The following EGFR variants were observed in gnomAD, a reference collection of about 807,000 sequenced individuals.
The protein encoded by EGFR is avian erythroblastic leukemia viral (v-erb-b) oncogene homolog.
In EGFR, 58 loss-of-function variants were observed where a neutral mutation model predicts 143.0. The observed-to-expected ratio is 0.41, with a 90% CI of 0.33 to 0.50. The LOEUF (loss-of-function observed/expected upper bound fraction) is 0.50, where lower values mean the gene tolerates loss of function less well. Ranked by LOEUF, EGFR falls within the 20% of genes least tolerant of loss-of-function variation. The probability of loss-of-function intolerance (pLI) is 0.39; values close to 1 mark genes in which losing one functional copy is unlikely to be tolerated. For missense variants in EGFR, 1,307 were observed against 1,579.0 expected (o/e 0.83, Z 2.92); for synonymous variants, 613 against 594.4 (o/e 1.03, Z -0.45).
At chr7:55,165,222 C>G (rs1785905766) in intron 14 of EGFR, 58 bp from the exon 15 acceptor site, 1 of 1,611,984 alleles carries the variant, frequency 6.2e-7, no homozygotes, top group African/African-American at 1.3e-5. Flanking sequence ...AAGTTACTTC[C>G]ATTTTGAAAG....
Position 55,019,076 on chromosome 7 carries a change from G to A in EGFR, c.-202G>A. On this transcript the variant is annotated 5_prime_UTR_variant, in exon 1 of 28. In the 5' UTR this introduces an upstream ATG that the reference lacks. Coordinates refer to ENST00000275493, the MANE Select transcript of EGFR (RefSeq NM_005228.5). Reference sequence around the variant, plus strand: ...CAGCAGCCTCCGCCCCCCGCACGGTGTGAGCGCCCGACGCGGCCGAGGCGG... The same window carrying A: ...CAGCAGCCTCCGCCCCCCGCACGGTATGAGCGCCCGACGCGGCCGAGGCGG... 3 of 295,174 alleles carry A rather than the reference G, an allele frequency of 1.0e-5. No individual in the cohort carries two copies. Among genetic ancestry groups the A allele is most frequent in the African/African-American group, 2.2e-5 (1 of 45,062 alleles). 18.3% of individuals were successfully genotyped at this position (295,174 alleles called of 1,614,324 possible).
At chr7:55,038,393 A>G (rs888660829) in intron 1 of EGFR, among the ~76,000 whole-genome samples, 2 of 152,176 alleles carry the variant, frequency 1.3e-5, no homozygotes, top group Non-Finnish European at 2.9e-5. Context: ...CCAAAGACAG[A>G]AGATGTGGAC....
Position 55,070,783 on chromosome 7 carries a change from C to T in EGFR, c.88+51418C>T, listed in dbSNP as rs192298823. Reference sequence around the variant, plus strand: ...AGAGCTTGGATTTCCTCGTTTCTTGCTATTTCTATCCGTAGACAGAACCAT... The same window carrying T: ...AGAGCTTGGATTTCCTCGTTTCTTGTTATTTCTATCCGTAGACAGAACCAT... On this transcript the variant is annotated intron_variant, in intron 1 of 27. Coordinates refer to ENST00000275493, the MANE Select transcript of EGFR (RefSeq NM_005228.5). Among the ~76,000 whole-genome samples the T allele has an allele frequency of 5.9e-4, 90 of 152,310 alleles. 1 individual carries two copies. Among genetic ancestry groups the T allele is most frequent in the Non-Finnish European group, 1.0e-3 (69 of 68,022 alleles).
intron 22 of EGFR, among the ~76,000 whole-genome samples, chr7:55,197,035 G>A (rs530589070): frequency 1.3e-5 from 2 of 152,140 alleles, no homozygotes; most frequent in Non-Finnish European, 2.9e-5. Context: ...GTATTTTCTA[G>A]TTCTGTGAAG....
At chr7:55,142,530 T>C (rs1584142344) in intron 2 of EGFR, 93 bp downstream of exon 2, 1 of 1,521,794 alleles carries the variant, frequency 6.6e-7, no homozygotes, top group East Asian at 2.3e-5. Context: ...TGTGTTTATT[T>C]TTGCTATGGC....
intron 1 of EGFR, among the ~76,000 whole-genome samples, chr7:55,116,128 C>T (rs1192402960): frequency 1.3e-5 from 2 of 152,162 alleles, no homozygotes; most frequent in Non-Finnish European, 2.9e-5. Flanking sequence ...GAAAGATTCT[C>T]CTAGGAAAAG....
intron 1 of EGFR, among the ~76,000 whole-genome samples, chr7:55,128,517 G>A (rs1175145808): frequency 6.6e-6 from 1 of 152,150 alleles, no homozygotes; most frequent in Admixed American, 6.5e-5. Flanking sequence ...GTTGAAAGTA[G>A]GAATTTTTTA....
intron 4 of EGFR, among the ~76,000 whole-genome samples, 182 bp downstream of exon 4, chr7:55,146,922 T>C (rs906128400): frequency 1.3e-5 from 2 of 152,350 alleles, no homozygotes; most frequent in Admixed American, 1.3e-4. Context: ...ATCGTTTTTT[T>C]GTGGCGGGTG....
chr7:55,184,940 T>C (rs1310594853), intron 20 of EGFR, among the ~76,000 whole-genome samples: 1 of 152,200 alleles, frequency 6.6e-6, no homozygotes, highest in Non-Finnish European at 1.5e-5. Flanking sequence ...CCAGAAACAC[T>C]TAGTGGCTGA....
chr7:55,046,212 T>G (rs551013244), intron 1 of EGFR, among the ~76,000 whole-genome samples: 1 of 152,184 alleles, frequency 6.6e-6, no homozygotes, highest in Non-Finnish European at 1.5e-5. Context: ...GTATTCCTAG[T>G]CTCCTCTACT....
chr7:55,127,081 G>C (rs772592901), intron 1 of EGFR, among the ~76,000 whole-genome samples: 4 of 152,174 alleles, frequency 2.6e-5, no homozygotes, highest in African/African-American at 9.7e-5. Flanking sequence ...TCTGACCCAC[G>C]CACATCAATA....
intron 7 of EGFR, among the ~76,000 whole-genome samples, chr7:55,154,827 T>G (rs1785329805): frequency 6.6e-6 from 1 of 151,570 alleles, no homozygotes; most frequent in African/African-American, 2.4e-5. Flanking sequence ...AAGGGGAGAT[T>G]AACTGAGAAA....
At chr7:55,195,378 G>A (rs190036478) in intron 22 of EGFR, among the ~76,000 whole-genome samples, 124 of 152,272 alleles carry the variant, frequency 8.1e-4, no homozygotes, top group Non-Finnish European at 8.8e-5. Flanking sequence ...AAAAACACTG[G>A]TTCTAAAATT....
chr7:55,029,812 G>T (rs559012950), intron 1 of EGFR, among the ~76,000 whole-genome samples: 2 of 152,192 alleles, frequency 1.3e-5, no homozygotes, highest in East Asian at 3.9e-4. Flanking sequence ...TAAACTAGAC[G>T]ATCGTCAGAC....
chr7:55,023,939 G>T (rs1342932605), intron 1 of EGFR, among the ~76,000 whole-genome samples: 1 of 152,108 alleles, frequency 6.6e-6, no homozygotes, highest in Admixed American at 6.6e-5. Context: ...CTCTTTGGAC[G>T]ACATCTCTAG....
At chr7:55,072,282 AC>A (rs1789877028) in intron 1 of EGFR, among the ~76,000 whole-genome samples, 1 of 152,238 alleles carries the variant, frequency 6.6e-6, no homozygotes, top group African/African-American at 2.4e-5. Context: ...TATACTGCCT[AC>A]TCAAGGTGGA....
chr7:55,047,319 A>G (rs140789241), intron 1 of EGFR, among the ~76,000 whole-genome samples: 141 of 152,382 alleles, frequency 9.3e-4, no homozygotes, highest in Admixed American at 7.6e-3. Context: ...AGGACGAAGC[A>G]TTACTGGAGT....
rs966839755 is a variant in EGFR at position 55,192,957 on chromosome 7, A to G, written c.2701+116A>G. 1.2e-5 allele frequency: 11 copies of G among 929,566 alleles called. No individual in the cohort carries two copies. In the African/African-American group the frequency reaches 1.6e-4, roughly 14 times the overall value. 57.6% of individuals were successfully genotyped at this position (929,566 alleles called of 1,614,324 possible). On this transcript the variant is annotated intron_variant, in intron 22 of 27. Coordinates refer to ENST00000275493, the MANE Select transcript of EGFR (RefSeq NM_005228.5). ...AGTATTTTCTTTCGAGATAATGACTAATGATAATGTAATCATTGCTGTCTA... is the reference window on the plus strand; with the variant it reads ...AGTATTTTCTTTCGAGATAATGACTGATGATAATGTAATCATTGCTGTCTA...
At chr7:55,022,198 G>A (rs1786611813) in intron 1 of EGFR, among the ~76,000 whole-genome samples, 1 of 152,154 alleles carries the variant, frequency 6.6e-6, no homozygotes, top group Non-Finnish European at 1.5e-5. Flanking sequence ...GAGGGGTGCT[G>A]AGCAAAGCCC....
Sources: allele counts gnomAD v4.1 joint callset (sites outside exome capture counted in the v4.1 genomes callset), GRCh38; gene constraint gnomAD v4.1.1; transcripts MANE v1.5; gene names NCBI Gene and HGNC (gene_info 2026-07-23, HGNC 2026-07-21).